The following FAR2 variants were observed in gnomAD, a reference collection of about 807,000 sequenced individuals.
FAR2 encodes epididymis secretory protein Li 81.
A neutral mutation model predicts 56.0 loss-of-function variants in FAR2; 19 were observed. The observed-to-expected ratio is 0.34, with a 90% CI of 0.24 to 0.50. The LOEUF (loss-of-function observed/expected upper bound fraction) is 0.50. Ranked by LOEUF, FAR2 falls within the 20% of genes least tolerant of loss-of-function variation. FAR2 has a pLI of 0.98. For synonymous variants in FAR2, 219 were observed against 218.8 expected, an observed-to-expected ratio of 1.00 and a Z score of -0.01; for missense variants, 508 against 642.2, an observed-to-expected ratio of 0.79 and a Z score of 2.26.
intron 1 of FAR2, among the ~76,000 whole-genome samples, chr12:29,199,139 G>C (rs577965442): frequency 6.6e-6 from 1 of 152,310 alleles, no homozygotes; most frequent in East Asian, 1.9e-4. Flanking sequence ...GTGGGCATAT[G>C]TTAGGAGAAA....
intron 1 of FAR2, among the ~76,000 whole-genome samples, chr12:29,157,993 A>T (rs937313889): frequency 1.3e-5 from 2 of 152,250 alleles, no homozygotes; most frequent in African/African-American, 4.8e-5. Context: ...AGGATATTTA[A>T]TACTGAAAGT....
At position 29,332,722 on chromosome 12, in the gene FAR2, A is replaced by T; in HGVS notation, c.1380A>T (p.Leu460Phe). ...GGATCCCAAAAGCAAAGCAACGCTT[A>T]AAAAGGTAAGTATAATCAGTCAGTT... is the stretch of plus-strand genomic sequence containing the variant. Reference protein sequence around the residue: ...MAGIPKAKQRLKRLRNIHYLF... With the variant: ...MAGIPKAKQRFKRLRNIHYLF... Residue 460 changes from leucine to phenylalanine, a missense_variant, in exon 11 of 12, where the codon TTA becomes TTT. By Grantham distance (22) the Leu-to-Phe change is conservative. Coordinates refer to ENST00000536681, the MANE Select transcript of FAR2 (RefSeq NM_001271783.2). 5 of 1,612,624 alleles carry T rather than the reference A, an allele frequency of 3.1e-6. No individual in the cohort carries two copies. Among genetic ancestry groups the T allele is most frequent in the Non-Finnish European group, 4.2e-6 (5 of 1,179,304 alleles).
At chr12:29,212,900 A>G (rs2136630445) in intron 1 of FAR2, among the ~76,000 whole-genome samples, 1 of 152,256 alleles carries the variant, frequency 6.6e-6, no homozygotes, top group Middle Eastern at 3.4e-3. Flanking sequence ...GATAACGTGT[A>G]AAATACTTAG....
intron 1 of FAR2, among the ~76,000 whole-genome samples, chr12:29,239,901 G>C (rs1230211683): frequency 6.6e-6 from 1 of 152,114 alleles, no homozygotes; most frequent in Non-Finnish European, 1.5e-5. Flanking sequence ...TTTTAAAACA[G>C]AAAGATGATT....
intron 2 of FAR2, chr12:29,291,347 G>A (rs1031548588): frequency 4.4e-6 from 2 of 455,752 alleles, no homozygotes; most frequent in African/African-American, 4.0e-5. Flanking sequence ...AAACTACTGA[G>A]CCAGGGTCTC....
At position 29,265,713 on chromosome 12, in the gene FAR2, CAAAGT is replaced by C. The variant is rs113014975; in HGVS notation, c.-38-4694_-38-4690del. Among the ~76,000 whole-genome samples, 7 of 152,098 alleles carry C rather than the reference CAAAGT, an allele frequency of 4.6e-5. 1 individual carries two copies. Among genetic ancestry groups the C allele is most frequent in the African/African-American group, 1.7e-4 (7 of 41,518 alleles). ...TCTGTACAGCAAAGGAAACAAACAA[CAAAGT>C]AAAGAGGCCACCCACAGAATGAGAG... On this transcript the variant is annotated intron_variant, in intron 1 of 11. Coordinates refer to ENST00000536681, the MANE Select transcript of FAR2 (RefSeq NM_001271783.2).
intron 1 of FAR2, among the ~76,000 whole-genome samples, chr12:29,198,368 A>C (rs1950158690): frequency 6.6e-6 from 1 of 152,054 alleles, no homozygotes; most frequent in South Asian, 2.1e-4. Context: ...AGCTGGGACT[A>C]CAGGCACCTG....
chr12:29,151,967 A>G (rs1167904636), intron 1 of FAR2: 1 of 152,260 alleles, frequency 6.6e-6, no homozygotes, highest in African/African-American at 2.4e-5. Context: ...AGCTTGAGGA[A>G]GGTTGATTGA....
chr12:29,267,845 C>T (rs534342547), intron 1 of FAR2, among the ~76,000 whole-genome samples: 10 of 152,168 alleles, frequency 6.6e-5, no homozygotes, highest in Non-Finnish European at 1.3e-4. Flanking sequence ...CTGTCATTGA[C>T]CCCTGTTTTA....
intron 10 of FAR2, among the ~76,000 whole-genome samples, chr12:29,327,219 G>C (rs1006862300): frequency 6.6e-6 from 1 of 152,100 alleles, no homozygotes; most frequent in Non-Finnish European, 1.5e-5. Context: ...CCTCTTCAAG[G>C]AAAACTACAA....
chr12:29,328,924 A>T (rs1949690104), intron 10 of FAR2, among the ~76,000 whole-genome samples: 1 of 152,062 alleles, frequency 6.6e-6, no homozygotes, highest in Admixed American at 6.6e-5. Context: ...AAAACAATAT[A>T]TCAGATGGCT....
Position 29,270,420 on chromosome 12 carries a change from T to C in FAR2, c.-30T>C. ...TTTCTCTTCCTTTTCAGGAACCTCT[T>C]TCAGGAGCTATAAAAGAAAGGGAGG... On this transcript the variant is annotated 5_prime_UTR_variant, in exon 2 of 12. Coordinates refer to ENST00000536681, the MANE Select transcript of FAR2 (RefSeq NM_001271783.2). 1 of 1,503,450 alleles carries C rather than the reference T, an allele frequency of 6.7e-7. No individual in the cohort carries two copies. 93.1% of individuals were successfully genotyped at this position (1,503,450 alleles called of 1,614,324 possible). A position where few individuals can be genotyped will look rare whatever the true frequency, so the allele number is the denominator to read the frequency against.
rs528666794 is a variant in FAR2 at position 29,202,477 on chromosome 12, C to T, written c.-39+53070C>T. ...AACGTACTGATAGAGTCATTTATTT[C>T]CTTGCTATTAAAAAACAAGTCTGAC... On this transcript the variant is annotated intron_variant, in intron 1 of 11. Transcript: ENST00000536681. 1.1e-4 allele frequency among the ~76,000 whole-genome samples: 16 copies of T among 152,206 alleles called. No homozygotes were observed. In the South Asian group the frequency reaches 2.9e-3, roughly 28 times the overall value.
chr12:29,184,538 G>T (rs1232222656), intron 1 of FAR2, among the ~76,000 whole-genome samples: 1 of 137,056 alleles, frequency 7.3e-6, no homozygotes, highest in Non-Finnish European at 1.5e-5. Context: ...AGGTTCAAAT[G>T]ATTCTCCTGC....
rs1441362151 is a variant in FAR2, at chr12:29,334,426, T to G, written c.*632T>G. 1 of 152,190 alleles carries G rather than the reference T, an allele frequency of 6.6e-6. No individual in the cohort carries two copies. Among genetic ancestry groups the G allele is most frequent in the Non-Finnish European group, 1.5e-5 (1 of 68,024 alleles). The allele number at this position is 152,190 out of a possible 1,614,324, so 9.4% of individuals were successfully genotyped here. On this transcript the variant is annotated 3_prime_UTR_variant, in exon 12 of 12. Transcript: ENST00000536681. The stretch of plus-strand genomic sequence containing the variant: ...AAGGAACAAGAAGTGTAAATAAGTA[T>G]GTATAGAGTGAGGGATTAAGCATAT...
intron 1 of FAR2, among the ~76,000 whole-genome samples, chr12:29,255,179 A>G (rs1359110662): frequency 6.6e-6 from 1 of 152,110 alleles, no homozygotes; most frequent in Non-Finnish European, 1.5e-5. Context: ...TTCAAGATCA[A>G]GGTGGTGATA....
intron 1 of FAR2, among the ~76,000 whole-genome samples, chr12:29,245,410 C>G (rs998506605): frequency 3.3e-5 from 5 of 152,190 alleles, no homozygotes; most frequent in Non-Finnish European, 5.9e-5. Flanking sequence ...AAATTCAAAC[C>G]CACATCTGCT....
In FAR2 at chr12:29,186,980, G is replaced by A. The variant is rs544175951; in HGVS notation, c.-39+37573G>A. On this transcript the variant is annotated intron_variant, in intron 1 of 11. Coordinates refer to ENST00000536681, the MANE Select transcript of FAR2 (RefSeq NM_001271783.2). ...ATTTTTTGTATTTTTAGTAGAGACG[G>A]GGTTTCACCGTGTTAGCCAGGATGG... is the stretch of plus-strand genomic sequence containing the variant. 1.8e-3 allele frequency among the ~76,000 whole-genome samples: 280 copies of A among 152,124 alleles called. 2 individuals carry two copies. The highest frequency in any genetic ancestry group is 6.6e-3 in the African/African-American group (274 of 41,500).
rs1453062893 is a variant in FAR2, at chr12:29,186,445, TTCA to T, written c.-39+37043_-39+37045del. On this transcript the variant is annotated intron_variant, in intron 1 of 11. Transcript: ENST00000536681. ...TGTTTTACAGAAAGCCAAATCCATG[TTCA>T]TCATTATTTTGTCTCCTCTGATCTT... Among the ~76,000 whole-genome samples, 15 of 151,412 alleles carry T rather than the reference TTCA, an allele frequency of 9.9e-5. No homozygotes were observed. The East Asian group carries it at 2.9e-3, about 29-fold the overall frequency.
Sources: allele counts gnomAD v4.1 joint callset (sites outside exome capture counted in the v4.1 genomes callset), GRCh38; gene constraint gnomAD v4.1.1; transcripts MANE v1.5; gene names NCBI Gene and HGNC (gene_info 2026-07-23, HGNC 2026-07-21).